The following STAB2 variants were observed in gnomAD, a reference collection of about 807,000 sequenced individuals.
STAB2 encodes stabilin-2.
In STAB2, 288 loss-of-function variants were observed where a neutral mutation model predicts 338.1. The observed-to-expected ratio is 0.85, with a 90% CI of 0.77 to 0.94. STAB2 has a LOEUF of 0.94. STAB2 is among the 40% of genes least tolerant of loss of function. The pLI is 0.00. For missense variants in STAB2, 3,141 were observed against 3,210.1 expected, an observed-to-expected ratio of 0.98 and a Z score of 0.52; for synonymous variants, 1,202 against 1,193.3, an observed-to-expected ratio of 1.01 and a Z score of -0.15.
intron 58 of STAB2, among the ~76,000 whole-genome samples, chr12:103,748,184 G>C (rs1410294961): frequency 1.3e-5 from 2 of 152,136 alleles, no homozygotes; most frequent in Admixed American, 1.3e-4. Flanking sequence ...AGGCATTCCA[G>C]AAGTGAGTCA....
At chr12:103,699,268 A>G in intron 34 of STAB2, 41 bp downstream of exon 34, 1 of 1,584,100 alleles carries the variant, frequency 6.3e-7, no homozygotes, top group Non-Finnish European at 8.6e-7. Context: ...TGCCACCGAG[A>G]ATTACATCAG....
intron 41 of STAB2, among the ~76,000 whole-genome samples, chr12:103,712,894 C>G (rs918025297): frequency 2.0e-5 from 3 of 152,110 alleles, no homozygotes; most frequent in Non-Finnish European, 4.4e-5. Context: ...CTCCAACTAC[C>G]CAGGTGGCCT....
intron 31 of STAB2, among the ~76,000 whole-genome samples, chr12:103,693,334 G>A (rs1265260583): frequency 6.6e-6 from 1 of 152,098 alleles, no homozygotes; most frequent in Non-Finnish European, 1.5e-5. Flanking sequence ...CTACTAGGAA[G>A]GCTGAGGCAG....
Position 103,643,760 on chromosome 12 carries a change from T to C in STAB2, c.1040+3504T>C, listed in dbSNP as rs527449858. Among the ~76,000 whole-genome samples, 3 of 152,064 alleles carry C rather than the reference T, an allele frequency of 2.0e-5. No individual in the cohort carries two copies. The South Asian group carries it at 6.2e-4, about 32-fold the overall frequency. ...TAGAAAAGATACCACACTGAAGCCC[T>C]TATAAGACTATGTAGCATAAGAGCT... On this transcript the variant is annotated intron_variant, in intron 9 of 68. Transcript: ENST00000388887.
intron 31 of STAB2, among the ~76,000 whole-genome samples, chr12:103,694,149 C>A (rs932322387): frequency 6.6e-6 from 1 of 152,140 alleles, no homozygotes; most frequent in South Asian, 2.1e-4. Context: ...AGGTGCCTGG[C>A]CAGAGTGGAG....
rs1200649213 is a variant in STAB2 at position 103,717,759 on chromosome 12, C to T, written c.4612-11C>T. 4 of 1,614,122 alleles carry T rather than the reference C, an allele frequency of 2.5e-6. No homozygotes were observed. Among genetic ancestry groups the T allele is most frequent in the Non-Finnish European group, 3.4e-6 (4 of 1,179,976 alleles). ...TGCAAAATGACCCCATGTGCTTCTA[C>T]TCCTGGACAGGCTGCCTGTAACTGT... On this transcript the variant is annotated splice_polypyrimidine_tract_variant and intron_variant, in intron 43 of 68. Transcript: ENST00000388887.
At chr12:103,692,145 G>A (rs1047429730) in intron 30 of STAB2, among the ~76,000 whole-genome samples, 1 of 152,218 alleles carries the variant, frequency 6.6e-6, no homozygotes, top group Non-Finnish European at 1.5e-5. Flanking sequence ...TCCTTCTAAG[G>A]CTTTGAGGGA....
Position 103,655,489 on chromosome 12 carries a change from G to A in STAB2, c.1642G>A (p.Gly548Arg). 1 of 1,614,064 alleles carries A rather than the reference G, an allele frequency of 6.2e-7. No homozygotes were observed. ...TNLGHALDED[G>R]VGGPYTIFVP... ...TTTGGGACATGCCTTAGATGAGGATGGAGTTGGTGGACCATACACCATTTT... is the reference window on the plus strand; with the variant it reads ...TTTGGGACATGCCTTAGATGAGGATAGAGTTGGTGGACCATACACCATTTT... The change falls in exon 15 of 69, where the codon GGA becomes AGA. Residue 548 changes from glycine to arginine, a missense_variant. Gly to Arg is a moderately radical substitution (Grantham distance 125). Coordinates refer to ENST00000388887, the MANE Select transcript of STAB2 (RefSeq NM_017564.10).
rs780837722 is a variant in STAB2 at position 103,712,406 on chromosome 12, T to C, written c.4374T>C (p.Cys1458=). 6.2e-6 allele frequency: 10 copies of C among 1,613,944 alleles called. No homozygotes were observed. The African/African-American group carries it at 1.3e-4, about 22-fold the overall frequency. ...TNSDGTASCK[C]AAGFQGNGTI... is the part of the protein sequence containing the mutation. ...CAGATGGTACAGCTTCATGCAAGTG[T>C]GCAGCAGGATTCCAAGGAAACGGGA... The change falls in exon 41 of 69, where the codon TGT becomes TGC. Residue 1458 remains cysteine, a synonymous_variant. Transcript: ENST00000388887.
chr12:103,687,467 T>C (rs1185387462), intron 27 of STAB2, among the ~76,000 whole-genome samples: 1 of 152,158 alleles, frequency 6.6e-6, no homozygotes. Flanking sequence ...TTCAATATCT[T>C]ACATCCTCTT....
At chr12:103,618,041 G>A (rs1471233604) in intron 3 of STAB2, among the ~76,000 whole-genome samples, 1 of 152,202 alleles carries the variant, frequency 6.6e-6, no homozygotes, top group Non-Finnish European at 1.5e-5. Context: ...AACTAGCCTA[G>A]TAACTTAATG....
intron 53 of STAB2, among the ~76,000 whole-genome samples, chr12:103,738,968 T>TTTG (rs80194811): frequency 0.021 from 3,119 of 151,834 alleles, 35 homozygotes; most frequent in Non-Finnish European, 0.033. Context: ...GTTGATATTC[T>TTTG]TTGTTGTTGT....
In STAB2 at chr12:103,631,578, C is replaced by T; in HGVS notation, c.488-20C>T. ...ACAGTCTATGTCAGGTAATAAAAAT[C>T]CCCCACTTTCTGTCTCCAGTGTGCA... is the stretch of plus-strand genomic sequence containing the variant. On this transcript the variant is annotated intron_variant, in intron 5 of 68. Coordinates refer to ENST00000388887, the MANE Select transcript of STAB2 (RefSeq NM_017564.10). 6.2e-7 allele frequency: 1 copy of T among 1,610,040 alleles called. No homozygotes were observed.
At chr12:103,717,712 T>C (rs1404522855) in intron 43 of STAB2, 58 bp from the exon 44 acceptor site, 2 of 1,503,950 alleles carry the variant, frequency 1.3e-6, no homozygotes, top group East Asian at 4.5e-5. Flanking sequence ...AGCCAGACCA[T>C]GCGGCCAGTA....
chr12:103,747,341 T>C (rs551829753), intron 58 of STAB2, among the ~76,000 whole-genome samples: 1 of 152,312 alleles, frequency 6.6e-6, no homozygotes, highest in South Asian at 2.1e-4. Context: ...ATGTTTCCTA[T>C]TGTCTCATAT....
intron 25 of STAB2, among the ~76,000 whole-genome samples, chr12:103,678,801 G>A (rs1020901815): frequency 2.6e-5 from 4 of 152,002 alleles, no homozygotes; most frequent in African/African-American, 9.7e-5. Context: ...CAAAGTGCTG[G>A]GATTACAGGT....
At chr12:103,693,379 A>G (rs961728512) in intron 31 of STAB2, among the ~76,000 whole-genome samples, 29 of 152,052 alleles carry the variant, frequency 1.9e-4, no homozygotes, top group African/African-American at 6.8e-4. Flanking sequence ...CAAGACTGCA[A>G]TGAGCTGTGT....
At chr12:103,654,775 C>CTG (rs1874048965) in intron 13 of STAB2, 77 bp downstream of exon 13, 1 of 1,511,392 alleles carries the variant, frequency 6.6e-7, no homozygotes, top group African/African-American at 1.5e-5. Context: ...CCAGAGCATG[C>CTG]CAGCACTCTG....
At chr12:103,702,195 G>A (rs988123759) in intron 34 of STAB2, among the ~76,000 whole-genome samples, 25 of 150,864 alleles carry the variant, frequency 1.7e-4, no homozygotes, top group African/African-American at 5.8e-4. Context: ...TTGACTTGGC[G>A]GCATTTAGAT....
Sources: gnomAD v4.1 joint callset for allele counts (sites outside exome capture counted in the v4.1 genomes callset) on GRCh38, gnomAD v4.1.1 for gene constraint, MANE v1.5 for transcripts, NCBI Gene and HGNC (gene_info 2026-07-23, HGNC 2026-07-21) for gene names.